Variants in MAF observed in about 807,000 individuals in gnomAD.
The protein encoded by MAF is MAF bZIP transcription factor, also known as transcription factor Maf.
Under a neutral mutation model 22.0 loss-of-function variants are expected in MAF, and 10 were observed. The observed-to-expected ratio is 0.45, with a 90% CI of 0.28 to 0.77. The LOEUF (loss-of-function observed/expected upper bound fraction) is 0.77, where lower values mean the gene tolerates loss of function less well. MAF is among the 30% of genes least tolerant of loss of function. The pLI is 0.12. For missense variants in MAF, 544 were observed against 548.4 expected (o/e 0.99, Z 0.08); for synonymous variants, 337 against 255.8 (o/e 1.32, Z -3.03).
chr16:79,367,598 G>A, the MAF span, among the ~76,000 whole-genome samples: 2 of 152,224 alleles, frequency 1.3e-5, no homozygotes, highest in South Asian at 4.1e-4. Context: ...TCTCTGCAGT[G>A]ATGGAAATGT....
chr16:79,262,211 G>A, the MAF span, among the ~76,000 whole-genome samples: 1 of 152,144 alleles, frequency 6.6e-6, no homozygotes, highest in Admixed American at 6.5e-5. Context: ...AGGCCTCAGA[G>A]GTTTGGGGGA....
chr16:79,208,151 C>G, the MAF span, among the ~76,000 whole-genome samples: 1 of 152,142 alleles, frequency 6.6e-6, no homozygotes, highest in Non-Finnish European at 1.5e-5. Flanking sequence ...TTTACATATA[C>G]TCTCAAGATT....
At chr16:79,553,291 G>C in the MAF span, among the ~76,000 whole-genome samples, 4 of 152,212 alleles carry the variant, frequency 2.6e-5, no homozygotes, top group African/African-American at 7.2e-5. Context: ...TCATGGCAGA[G>C]AAATCTGCAT....
chr16:79,522,632 A>C, the MAF span, among the ~76,000 whole-genome samples: 1 of 152,148 alleles, frequency 6.6e-6, no homozygotes, highest in Non-Finnish European at 1.5e-5. Flanking sequence ...CATGCATCCA[A>C]AGGCAAAGCA....
the MAF span, among the ~76,000 whole-genome samples, chr16:79,357,073 A>G: frequency 1.3e-5 from 2 of 152,320 alleles, no homozygotes; most frequent in African/African-American, 4.8e-5. Context: ...CCAGGCCAAC[A>G]TGGTGAAACC....
At chr16:79,533,356 T>G in the MAF span, among the ~76,000 whole-genome samples, 2 of 152,184 alleles carry the variant, frequency 1.3e-5, no homozygotes, top group Non-Finnish European at 2.9e-5. Flanking sequence ...TTCTATTTTA[T>G]ATACAACTGA....
the MAF span, among the ~76,000 whole-genome samples, chr16:79,501,315 G>T: frequency 1.3e-5 from 2 of 152,074 alleles, no homozygotes; most frequent in African/African-American, 4.8e-5. Flanking sequence ...ACCAGTCATT[G>T]GATTTAGGAT....
the MAF span, among the ~76,000 whole-genome samples, chr16:79,410,386 G>C: frequency 6.6e-6 from 1 of 152,210 alleles, no homozygotes; most frequent in Non-Finnish European, 1.5e-5. Context: ...CATGCCATTA[G>C]TGGCCATCAT....
chr16:79,580,693 C>T, the MAF span, among the ~76,000 whole-genome samples: 2 of 152,042 alleles, frequency 1.3e-5, no homozygotes, highest in Admixed American at 6.5e-5. Flanking sequence ...CTTTCTCCTC[C>T]CCTACTGTGA....
At chr16:79,475,104 G>A in the MAF span, among the ~76,000 whole-genome samples, 2 of 152,152 alleles carry the variant, frequency 1.3e-5, no homozygotes, top group Admixed American at 6.5e-5. Flanking sequence ...CCTCTCCAGG[G>A]CTTGTGCAGC....
chr16:79,278,035 C>G, the MAF span, among the ~76,000 whole-genome samples: 1 of 152,146 alleles, frequency 6.6e-6, no homozygotes, highest in African/African-American at 2.4e-5. Context: ...TTAATTGGTG[C>G]CCCTGGGGTA....
chr16:79,479,835 G>A, the MAF span, among the ~76,000 whole-genome samples: 12 of 152,152 alleles, frequency 7.9e-5, no homozygotes, highest in Non-Finnish European at 1.5e-4. Flanking sequence ...AAAACTGGTG[G>A]TTCAATAAAT....
chr16:79,374,263 C>T, the MAF span, among the ~76,000 whole-genome samples: 1 of 152,154 alleles, frequency 6.6e-6, no homozygotes, highest in African/African-American at 2.4e-5. Context: ...ATTAATGGTG[C>T]CATTTTCCTC....
the MAF span, among the ~76,000 whole-genome samples, chr16:79,234,816 C>A: frequency 2.8e-3 from 426 of 152,218 alleles, 1 homozygote; most frequent in Middle Eastern, 6.8e-3. Context: ...ATTCAGCCAC[C>A]TGAGTCTCTT....
chr16:79,218,364 C>G, the MAF span, among the ~76,000 whole-genome samples: 2 of 152,104 alleles, frequency 1.3e-5, no homozygotes, highest in Non-Finnish European at 2.9e-5. Flanking sequence ...TAGGTTATTT[C>G]TAGTTTCTGT....
chr16:79,211,477 T>TTGCTATGCCAAGATC, the MAF span: 2 of 1,178,602 alleles, frequency 1.7e-6, no homozygotes, highest in Non-Finnish European at 2.5e-6. Flanking sequence ...CCAGTACCCT[T>TTGCTATGCCAAGATC]TGCTATGCCA....
At chr16:79,490,610 A>G in the MAF span, among the ~76,000 whole-genome samples, 7 of 64,282 alleles carry the variant, frequency 1.1e-4, no homozygotes, top group Non-Finnish European at 2.2e-4. Flanking sequence ...ATGCACACAT[A>G]CACAGACACA....
rs1319667160 is a variant in MAF at position 79,598,635 on chromosome 16, G to T, written c.1118+150C>A. On this transcript the variant is annotated intron_variant, in intron 1 of 1. Coordinates refer to ENST00000326043, the MANE Select transcript of MAF (RefSeq NM_005360.5). ...GGTGTGTGCGTGCGGGTTTGTGTGT[G>T]TGTAGGGGGCCAAGGGGGCCAAACT... 3.3e-6 allele frequency: 5 copies of T among 1,524,880 alleles called. No homozygotes were observed. In the African/African-American group the frequency reaches 7.0e-5, roughly 21 times the overall value. 94.5% of individuals were successfully genotyped at this position (1,524,880 alleles called of 1,614,324 possible). A position where few individuals can be genotyped will look rare whatever the true frequency, so the allele number is the denominator to read the frequency against.
the MAF span, among the ~76,000 whole-genome samples, chr16:79,548,186 T>A: frequency 6.6e-6 from 1 of 152,338 alleles, no homozygotes; most frequent in East Asian, 1.9e-4. Flanking sequence ...CTTCAAGATT[T>A]GATTAAAACA....
Sources: allele counts gnomAD v4.1 joint callset (sites outside exome capture counted in the v4.1 genomes callset), GRCh38; gene constraint gnomAD v4.1.1; transcripts MANE v1.5; gene names NCBI Gene and HGNC (gene_info 2026-07-23, HGNC 2026-07-21).